Variants in SUCO observed in about 807,000 individuals in gnomAD.
The protein encoded by SUCO is SUN domain containing ossification factor.
In SUCO, 57 loss-of-function variants were observed where a neutral mutation model predicts 148.1. The observed-to-expected ratio is 0.38, with a 90% confidence interval of 0.31 to 0.48. The LOEUF is 0.48. SUCO is among the 20% of genes least tolerant of loss of function. The probability of loss-of-function intolerance (pLI) is 0.96; values close to 1 mark genes in which losing one functional copy is unlikely to be tolerated. For synonymous variants in SUCO, 470 were observed against 502.7 expected (o/e 0.93, Z 0.87); for missense variants, 1,331 against 1,468.2 (o/e 0.91, Z 1.53).
intron 1 of SUCO, among the ~76,000 whole-genome samples, chr1:172,551,301 G>A (rs1309922890): frequency 2.0e-5 from 3 of 152,016 alleles, no homozygotes; most frequent in African/African-American, 7.2e-5. Flanking sequence ...AATTCATAAT[G>A]TCTTACTTGG....
At chr1:172,603,943 T>A (rs1182342586) in intron 22 of SUCO, among the ~76,000 whole-genome samples, 1 of 152,000 alleles carries the variant, frequency 6.6e-6, no homozygotes, top group Non-Finnish European at 1.5e-5. Context: ...TACATACTTT[T>A]GGTAAACACC....
chr1:172,555,671 T>C (rs1243299483), intron 3 of SUCO, among the ~76,000 whole-genome samples, 198 bp from the exon 4 acceptor site: 2 of 152,178 alleles, frequency 1.3e-5, no homozygotes, highest in African/African-American at 2.4e-5. Context: ...GAAAAATGCT[T>C]AGGGCCTGTA....
chr1:172,572,396 C>T (rs1202627505), intron 9 of SUCO, among the ~76,000 whole-genome samples: 2 of 151,834 alleles, frequency 1.3e-5, no homozygotes, highest in Non-Finnish European at 1.5e-5. Context: ...ATCGGTGACC[C>T]TACCCCCAAC....
chr1:172,557,822 A>C, intron 6 of SUCO, 28 bp downstream of exon 6: 1 of 1,523,512 alleles, frequency 6.6e-7, no homozygotes, highest in Non-Finnish European at 8.9e-7. Flanking sequence ...ACTATCTCTT[A>C]CTTCTTTATG....
At chr1:172,597,561 A>C (rs1327185903) in intron 19 of SUCO, among the ~76,000 whole-genome samples, 1 of 152,178 alleles carries the variant, frequency 6.6e-6, no homozygotes. Context: ...TATTGACTGC[A>C]AGTAAGAACG....
chr1:172,533,072 T>G, upstream of SUCO: 1 of 1,429,702 alleles, frequency 7.0e-7, no homozygotes, highest in East Asian at 2.6e-5. Context: ...CGCCGGCGAT[T>G]GGCTGTTGAG....
chr1:172,534,285 C>T (rs952726015), intron 1 of SUCO, among the ~76,000 whole-genome samples: 1 of 152,160 alleles, frequency 6.6e-6, no homozygotes, highest in Non-Finnish European at 1.5e-5. Flanking sequence ...CGAGGGACTG[C>T]TGTCACCGTA....
At chr1:172,579,110 G>C in intron 14 of SUCO, 92 bp from the exon 15 acceptor site, 1 of 689,006 alleles carries the variant, frequency 1.5e-6, no homozygotes, top group South Asian at 1.7e-5. Flanking sequence ...TTAAATGTCA[G>C]CTGACTTTGA....
chr1:172,599,763 C>T (rs996496580), intron 19 of SUCO, among the ~76,000 whole-genome samples: 1 of 152,210 alleles, frequency 6.6e-6, no homozygotes, highest in Non-Finnish European at 1.5e-5. Context: ...ATATATGGAA[C>T]ACATGTTAAT....
intron 21 of SUCO, 59 bp from the exon 22 acceptor site, chr1:172,602,637 G>T: frequency 1.3e-6 from 2 of 1,590,136 alleles, no homozygotes; most frequent in Non-Finnish European, 8.5e-7. Context: ...CTCAACAAAA[G>T]AGTAAATTAT....
intron 1 of SUCO, among the ~76,000 whole-genome samples, chr1:172,538,285 A>G (rs1411725372): frequency 6.6e-6 from 1 of 151,906 alleles, no homozygotes; most frequent in Non-Finnish European, 1.5e-5. Context: ...CTTAGTAGTA[A>G]TTTTTCTGAG....
At chr1:172,582,283 G>A (rs1440933672) in intron 15 of SUCO, among the ~76,000 whole-genome samples, 2 of 152,084 alleles carry the variant, frequency 1.3e-5, no homozygotes, top group Non-Finnish European at 2.9e-5. Flanking sequence ...TAGAAAATGT[G>A]GGCATGCTTC....
intron 9 of SUCO, among the ~76,000 whole-genome samples, chr1:172,571,368 G>T (rs1434646706): frequency 6.6e-6 from 1 of 152,156 alleles, no homozygotes; most frequent in Admixed American, 6.5e-5. Flanking sequence ...GTGCTCAATG[G>T]TGCCCAGGCT....
chr1:172,599,192 A>T (rs1335603936), intron 19 of SUCO, among the ~76,000 whole-genome samples: 1 of 152,062 alleles, frequency 6.6e-6, no homozygotes, highest in Non-Finnish European at 1.5e-5. Flanking sequence ...AGCCGGGCAT[A>T]GTGGCGGGCA....
chr1:172,532,780 AGC>A (rs779962922), upstream of SUCO: 26 of 1,611,390 alleles, frequency 1.6e-5, no homozygotes, highest in Middle Eastern at 1.7e-4. Context: ...GCGCGGACTC[AGC>A]GCGCGAGGGA....
chr1:172,589,783 T>C lies in SUCO; in HGVS notation c.2682T>C (p.Ser894=). 1 of 1,612,532 alleles carries C rather than the reference T, an allele frequency of 6.2e-7. No homozygotes were observed. The highest frequency in any genetic ancestry group is 1.1e-5 in the South Asian group (1 of 90,892). Residue 894 remains serine (S), a synonymous_variant, in exon 18 of 24, where the codon TCT becomes TCC. Transcript: ENST00000263688. ...ATDFYAELQN[S]TDLGYANGNL... is the part of the protein sequence containing the mutation. ...ATTTTTATGCTGAATTGCAAAATTC[T>C]ACAGATCTAGGATATGCTAATGGAA... is the stretch of plus-strand genomic sequence containing the variant.
At chr1:172,578,157 A>G (rs1349817873) in intron 13 of SUCO, 141 bp from the exon 14 acceptor site, 2 of 656,892 alleles carry the variant, frequency 3.0e-6, no homozygotes, top group Non-Finnish European at 5.4e-6. Context: ...ACTTAAATGT[A>G]AGGAGCAGCC....
chr1:172,601,498 CAA>C (rs10633040), intron 20 of SUCO, among the ~76,000 whole-genome samples: 19 of 115,024 alleles, frequency 1.7e-4, no homozygotes, highest in Admixed American at 2.7e-4. Context: ...GGCTCTGTCT[CAA>C]AAAAAAAAAA....
At chr1:172,567,022 C>G (rs1265205243) in intron 6 of SUCO, among the ~76,000 whole-genome samples, 3 of 152,192 alleles carry the variant, frequency 2.0e-5, no homozygotes, top group African/African-American at 7.2e-5. Context: ...CCATACACTT[C>G]ATTTAGTAAA....
Sources: allele counts gnomAD v4.1 joint callset (sites outside exome capture counted in the v4.1 genomes callset), GRCh38; gene constraint gnomAD v4.1.1; transcripts MANE v1.5; gene names NCBI Gene and HGNC (gene_info 2026-07-23, HGNC 2026-07-21).